Variants in ROCK2 observed in about 807,000 individuals in gnomAD.
ROCK2 encodes the protein rho-associated protein kinase 2.
ROCK2 carries 61 observed loss-of-function variants against 195.1 expected under a neutral mutation model. The observed-to-expected ratio is 0.31, with a 90% CI of 0.25 to 0.39. The LOEUF is 0.39. Ranked by LOEUF, ROCK2 falls within the 10% of genes least tolerant of loss-of-function variation. The pLI is 1.00. For synonymous variants in ROCK2, 504 were observed against 545.5 expected (o/e 0.92, Z 1.06); for missense variants, 1,109 against 1,637.4 (o/e 0.68, Z 5.57).
In ROCK2 at chr2:11,182,933, T is replaced by A. The variant is rs1054348391; in HGVS notation, c.*504A>T. The stretch of plus-strand genomic sequence containing the variant: ...AATAAAGTGGGAAGTTTAAAAAACC[T>A]TCTTGCAGTATTAGAGTACTATATA... On this transcript the variant is annotated 3_prime_UTR_variant, in exon 33 of 33. Coordinates refer to ENST00000315872, the MANE Select transcript of ROCK2 (RefSeq NM_004850.5). 4.0e-5 allele frequency: 6 copies of A among 149,846 alleles called. No individual in the cohort carries two copies. In the Admixed American group the frequency reaches 4.1e-4, roughly 10 times the overall value. The allele number at this position is 149,846 out of a possible 1,614,324, so 9.3% of individuals were successfully genotyped here. A position where few individuals can be genotyped will look rare whatever the true frequency, so the allele number is the denominator to read the frequency against.
At chr2:11,324,273 A>T (rs1043841186) in intron 1 of ROCK2, among the ~76,000 whole-genome samples, 5 of 152,270 alleles carry the variant, frequency 3.3e-5, no homozygotes, top group African/African-American at 1.2e-4. Flanking sequence ...CGTCTCCACT[A>T]AAAATACAAA....
chr2:11,186,961 G>C (rs1253383337), intron 32 of ROCK2, among the ~76,000 whole-genome samples: 2 of 152,032 alleles, frequency 1.3e-5, no homozygotes, highest in Admixed American at 1.3e-4. Context: ...TACTGTAATT[G>C]CCTGTTGCTT....
At chr2:11,295,489 C>G (rs1453332900) in intron 1 of ROCK2, among the ~76,000 whole-genome samples, 1 of 151,772 alleles carries the variant, frequency 6.6e-6, no homozygotes, top group East Asian at 1.9e-4. Context: ...AAAAGGCCTG[C>G]TGGTTTTATG....
rs1488868047 is a variant in ROCK2, at chr2:11,192,575, C to T, written c.3825G>A (p.Glu1275=). The change falls in exon 31 of 33, where the codon GAG becomes GAA. Residue 1275 remains glutamate (E), a synonymous_variant. Coordinates refer to ENST00000315872, the MANE Select transcript of ROCK2 (RefSeq NM_004850.5). The surrounding 1 kb of genome is among the most constrained non-coding windows in gnomAD (Gnocchi z 5.0). The part of the protein sequence containing the change: ...PTLYHFPTNC[E]ACMKPLWHMF... ...TGTGCCACAGGGGCTTCATACAAGC[C>T]TCACAGTTGGTTGGGAAATGATAAA... 6.2e-7 allele frequency: 1 copy of T among 1,614,062 alleles called. No individual in the cohort carries two copies. The highest frequency in any genetic ancestry group is 1.1e-5 in the South Asian group (1 of 91,070).
chr2:11,199,307 CT>C (rs34933587), intron 23 of ROCK2, among the ~76,000 whole-genome samples: 70,711 of 146,366 alleles, frequency 0.48, 17,797 homozygotes, highest in Admixed American at 0.56. Context: ...ATGTGATTTT[CT>C]TTTTTTTTTT....
intron 3 of ROCK2, among the ~76,000 whole-genome samples, chr2:11,281,367 A>G (rs1240784132): frequency 6.6e-6 from 1 of 152,172 alleles, no homozygotes; most frequent in Non-Finnish European, 1.5e-5. Context: ...CCTCTCACCA[A>G]TCCTTTCCAT....
chr2:11,200,357 TG>T (rs773700082), intron 23 of ROCK2, among the ~76,000 whole-genome samples: 12 of 152,184 alleles, frequency 7.9e-5, no homozygotes, highest in Non-Finnish European at 1.6e-4. Flanking sequence ...TGTGATGTAG[TG>T]GGGATTTAAT....
At chr2:11,304,975 GAATA>G (rs1023751111) in intron 1 of ROCK2, among the ~76,000 whole-genome samples, 11 of 152,170 alleles carry the variant, frequency 7.2e-5, no homozygotes, top group Admixed American at 2.0e-4. Context: ...ACTAATGATA[GAATA>G]AATACAAATA....
At chr2:11,272,176 TAAAC>T (rs1023420995) in intron 3 of ROCK2, among the ~76,000 whole-genome samples, 7 of 152,134 alleles carry the variant, frequency 4.6e-5, no homozygotes, top group Non-Finnish European at 8.8e-5. Flanking sequence ...CATTAACAGA[TAAAC>T]AAAAATTAAG....
At chr2:11,295,577 C>T (rs1265677453) in intron 1 of ROCK2, among the ~76,000 whole-genome samples, 1 of 152,140 alleles carries the variant, frequency 6.6e-6, no homozygotes, top group South Asian at 2.1e-4. Flanking sequence ...TTCATAATAT[C>T]GTTCAGCAGC....
intron 4 of ROCK2, among the ~76,000 whole-genome samples, chr2:11,236,826 G>C (rs1250898443): frequency 6.6e-6 from 1 of 152,178 alleles, no homozygotes; most frequent in South Asian, 2.1e-4. Context: ...TCAAGGAAAT[G>C]TTTAATAGGA....
rs1382640563 is a variant in ROCK2, at chr2:11,207,750, T to A, written c.2525A>T (p.Glu842Val). The change falls in exon 20 of 33, where the codon GAA (glutamate) becomes GTA (valine). Residue 842 changes from glutamate (E) to valine (V), a missense_variant. Around this residue, in one of 6 missense-constraint regions of ROCK2, gnomAD observed 542 missense variants for 672.0 expected, o/e 0.81. Coordinates refer to ENST00000315872, the MANE Select transcript of ROCK2 (RefSeq NM_004850.5). ...NHLMEMKMNL[E>V]KQNAELRKER... is the part of the protein sequence containing the mutation. Reference sequence around the variant, plus strand: ...CTTTCGAAGTTCAGCATTTTGTTTTTCCAAGTTCATTTTCATTTCCATGAG... The same window carrying A: ...CTTTCGAAGTTCAGCATTTTGTTTTACCAAGTTCATTTTCATTTCCATGAG... 15 of 1,604,218 alleles carry A rather than the reference T, an allele frequency of 9.4e-6. No individual in the cohort carries two copies. In the Admixed American group the frequency reaches 1.5e-4, roughly 16 times the overall value.
chr2:11,255,794 C>A (rs959804010), intron 3 of ROCK2, among the ~76,000 whole-genome samples: 2 of 150,210 alleles, frequency 1.3e-5, no homozygotes, highest in East Asian at 3.9e-4. Flanking sequence ...GTGGCATGTG[C>A]CTGTAATCTC....
chr2:11,272,018 T>C (rs1666651502), intron 3 of ROCK2, among the ~76,000 whole-genome samples: 2 of 83,636 alleles, frequency 2.4e-5, no homozygotes, highest in East Asian at 3.6e-4. Flanking sequence ...AGACTCCATC[T>C]CAAAAAAAAA....
chr2:11,253,346 T>C (rs1208466944), intron 3 of ROCK2, among the ~76,000 whole-genome samples: 1 of 152,184 alleles, frequency 6.6e-6, no homozygotes, highest in Non-Finnish European at 1.5e-5. Context: ...TCAGGATCTT[T>C]ATGGGTACTG....
chr2:11,291,110 A>C (rs1215481800), intron 1 of ROCK2, among the ~76,000 whole-genome samples: 1 of 152,220 alleles, frequency 6.6e-6, no homozygotes, highest in Non-Finnish European at 1.5e-5. Flanking sequence ...TTCCCCTACT[A>C]TAATTATTAT....
At chr2:11,321,651 T>C (rs1221052328) in intron 1 of ROCK2, among the ~76,000 whole-genome samples, 1 of 151,758 alleles carries the variant, frequency 6.6e-6, no homozygotes, top group South Asian at 2.1e-4. Flanking sequence ...TCCTGAAAGG[T>C]AGGAATTGAA....
chr2:11,241,353 T>G (rs1665423125), intron 4 of ROCK2, among the ~76,000 whole-genome samples: 1 of 152,032 alleles, frequency 6.6e-6, no homozygotes, highest in African/African-American at 2.4e-5. Flanking sequence ...TGGGACAACA[T>G]CAAGCAGATT....
chr2:11,289,739 G>A (rs942481582), intron 1 of ROCK2, among the ~76,000 whole-genome samples: 1 of 152,126 alleles, frequency 6.6e-6, no homozygotes, highest in Non-Finnish European at 1.5e-5. Flanking sequence ...TGAAATCCTT[G>A]CTCCCCCGTA....
Sources: gnomAD v4.1 joint callset for allele counts (sites outside exome capture counted in the v4.1 genomes callset) on GRCh38, gnomAD v4.1.1 for gene constraint, gnomAD v4.1.1 regional missense constraint, Gnocchi (gnomAD v3.1) non-coding constraint, MANE v1.5 for transcripts, NCBI Gene and HGNC (gene_info 2026-07-23, HGNC 2026-07-21) for gene names.